KLHL20: variants seen among roughly 807,000 people sequenced by gnomAD.
KLHL20 encodes kelch like family member 20, also known as kelch-like protein 20.
KLHL20 carries 29 observed loss-of-function variants against 69.5 expected under a neutral mutation model. That is an observed-to-expected ratio of 0.42 (90% CI 0.31 to 0.57). The LOEUF is 0.57. Among genes scored for constraint, KLHL20 ranks in the 20% least tolerant of loss-of-function variants. The pLI, the probability that KLHL20 is intolerant of heterozygous loss-of-function variation, is 0.18. For synonymous variants in KLHL20, 253 were observed against 265.2 expected (o/e 0.95, Z 0.45); for missense variants, 419 against 776.0 (o/e 0.54, Z 5.47).
At position 173,782,177 on chromosome 1, in the gene KLHL20, C is replaced by T. The variant is rs763625203; in HGVS notation, c.1692C>T (p.Gly564=). The T allele has an allele frequency of 4.3e-6, 7 of 1,613,938 alleles. No individual in the cohort carries two copies. The African/African-American group carries it at 6.7e-5, about 15-fold the overall frequency. ...GQLMAVGGFD[G]TTYLKTIEVF... ...TCATGGCAGTAGGAGGTTTTGATGGCACAACATACTTGAAGACCATAGAAG... is the reference window on the plus strand; with the variant it reads ...TCATGGCAGTAGGAGGTTTTGATGGTACAACATACTTGAAGACCATAGAAG... The change falls in exon 11 of 12, where the codon GGC becomes GGT. Residue 564 remains glycine (G), a synonymous_variant. Coordinates refer to ENST00000209884, the MANE Select transcript of KLHL20 (RefSeq NM_014458.4).
At chr1:173,743,281 G>T (rs1269532388) in intron 3 of KLHL20, among the ~76,000 whole-genome samples, 2 of 151,804 alleles carry the variant, frequency 1.3e-5, no homozygotes, top group Non-Finnish European at 2.9e-5. Context: ...AAATTTATAG[G>T]AAATCACAGG....
chr1:173,731,133 C>T (rs1433528518), intron 2 of KLHL20, among the ~76,000 whole-genome samples: 1 of 152,146 alleles, frequency 6.6e-6, no homozygotes, highest in Non-Finnish European at 1.5e-5. Flanking sequence ...TCATCACTGG[C>T]CATCAGAGAA....
chr1:173,783,065 C>T (rs560487000), intron 11 of KLHL20, among the ~76,000 whole-genome samples: 17 of 152,272 alleles, frequency 1.1e-4, no homozygotes, highest in African/African-American at 3.9e-4. Flanking sequence ...ATAGTTTATT[C>T]TCAAACTTTA....
intron 11 of KLHL20, 31 bp from the exon 12 acceptor site, chr1:173,785,132 A>G: frequency 6.4e-7 from 1 of 1,563,118 alleles, no homozygotes; most frequent in Non-Finnish European, 8.8e-7. Flanking sequence ...TTTTCCAGTT[A>G]GAAAATATGA....
intron 3 of KLHL20, among the ~76,000 whole-genome samples, chr1:173,742,216 C>T (rs375852274): frequency 3.9e-5 from 6 of 152,174 alleles, no homozygotes; most frequent in Admixed American, 2.0e-4. Flanking sequence ...AAGTTTTGTA[C>T]ACCCTGTTGG....
chr1:173,769,246 C>G (rs1289442723), intron 8 of KLHL20, among the ~76,000 whole-genome samples: 8 of 152,104 alleles, frequency 5.3e-5, no homozygotes, highest in African/African-American at 1.9e-4. Flanking sequence ...AGTCTCTAAA[C>G]ATTGCCAGAT....
At chr1:173,780,958 C>T (rs1346081088) in intron 10 of KLHL20, among the ~76,000 whole-genome samples, 1 of 148,894 alleles carries the variant, frequency 6.7e-6, no homozygotes, top group South Asian at 2.2e-4. Flanking sequence ...TGCCACTGCA[C>T]TGCAGCCTGA....
intron 2 of KLHL20, among the ~76,000 whole-genome samples, chr1:173,731,097 C>A (rs1672252726): frequency 6.6e-6 from 1 of 152,232 alleles, no homozygotes; most frequent in East Asian, 1.9e-4. Context: ...ATTTATGCAG[C>A]CAAAAGACAC....
chr1:173,745,206 G>A (rs966487132), intron 3 of KLHL20, among the ~76,000 whole-genome samples: 7 of 123,760 alleles, frequency 5.7e-5, no homozygotes, highest in Non-Finnish European at 9.6e-5. Flanking sequence ...GAGTCTGGCT[G>A]TGTCACCCAG....
intron 8 of KLHL20, among the ~76,000 whole-genome samples, chr1:173,768,978 A>G (rs920065141): frequency 6.6e-6 from 1 of 152,246 alleles, no homozygotes; most frequent in Non-Finnish European, 1.5e-5. Context: ...TAGTAAATAG[A>G]AAGCACAAGG....
chr1:173,736,187 T>A (rs1275794978), intron 3 of KLHL20, among the ~76,000 whole-genome samples: 1 of 151,974 alleles, frequency 6.6e-6, no homozygotes, highest in African/African-American at 2.4e-5. Context: ...CCTCAAGTGA[T>A]CTGTGATCTG....
rs751930776 is a variant in KLHL20 at position 173,734,170 on chromosome 1, T to A, written c.481T>A (p.Leu161Ile). The A allele has an allele frequency of 6.2e-7, 1 of 1,614,130 alleles. No individual in the cohort carries two copies. Among genetic ancestry groups the A allele is most frequent in the Non-Finnish European group, 8.5e-7 (1 of 1,180,060 alleles). ...AATACAGGAAGCCTGCTGTGAATTC[T>A]TAAAGAGACAATTAGATCCTTCTAA... ...AEIQEACCEFLKRQLDPSNCL... is the reference protein window; with the variant it reads ...AEIQEACCEFIKRQLDPSNCL... Residue 161 changes from leucine to isoleucine, a missense_variant, in exon 3 of 12, where the codon TTA (leucine) becomes ATA (isoleucine). By Grantham distance (5) the Leu-to-Ile change is conservative (BLOSUM62 2). Coordinates refer to ENST00000209884, the MANE Select transcript of KLHL20 (RefSeq NM_014458.4).
intron 2 of KLHL20, among the ~76,000 whole-genome samples, chr1:173,721,754 A>AT (rs1671726853): frequency 6.6e-6 from 1 of 152,216 alleles, no homozygotes; most frequent in Non-Finnish European, 1.5e-5. Flanking sequence ...CAGGTGTGGA[A>AT]TATAGTGCCT....
At chr1:173,730,900 CA>C (rs1672239050) in intron 2 of KLHL20, among the ~76,000 whole-genome samples, 2 of 152,106 alleles carry the variant, frequency 1.3e-5, no homozygotes, top group Non-Finnish European at 2.9e-5. Flanking sequence ...AGCTTCTGCA[CA>C]GCAAAAGAAA....
chr1:173,781,715 C>T (rs78053743), intron 10 of KLHL20, among the ~76,000 whole-genome samples: 2,084 of 152,286 alleles, frequency 0.014, 46 homozygotes, highest in African/African-American at 0.045. Context: ...GATGCTCCCA[C>T]CTGGGCCTTC....
chr1:173,718,152 T>C (rs1558175842), intron 2 of KLHL20, among the ~76,000 whole-genome samples: 2 of 151,874 alleles, frequency 1.3e-5, no homozygotes, highest in African/African-American at 4.8e-5. Context: ...GGTCTCAAAC[T>C]CCTGGGCTCA....
At chr1:173,772,034 G>C (rs1404844897) in intron 8 of KLHL20, among the ~76,000 whole-genome samples, 1 of 152,180 alleles carries the variant, frequency 6.6e-6, no homozygotes, top group East Asian at 1.9e-4. Context: ...GTTAAATAAA[G>C]TATCTTGTAG....
At chr1:173,782,578 C>A (rs572564185) in intron 11 of KLHL20, among the ~76,000 whole-genome samples, 3 of 152,028 alleles carry the variant, frequency 2.0e-5, no homozygotes. Context: ...GAACCTAGGT[C>A]TTTGGCTCCA....
intron 8 of KLHL20, among the ~76,000 whole-genome samples, chr1:173,770,680 C>CAAAA: frequency 1.0e-5 from 1 of 99,792 alleles, no homozygotes; most frequent in African/African-American, 3.2e-5. Context: ...AACTCTCTCT[C>CAAAA]AAAAAAAAAA....
Sources: allele counts gnomAD v4.1 joint callset (sites outside exome capture counted in the v4.1 genomes callset), GRCh38; gene constraint gnomAD v4.1.1; transcripts MANE v1.5; gene names NCBI Gene and HGNC (gene_info 2026-07-23, HGNC 2026-07-21).